Variants in NMT2 observed in about 807,000 individuals in gnomAD.
NMT2 encodes the protein glycylpeptide N-tetradecanoyltransferase 2.
A neutral mutation model predicts 65.4 loss-of-function variants in NMT2; 35 were observed. The observed-to-expected ratio is 0.54, with a 90% confidence interval of 0.41 to 0.71. NMT2 has a LOEUF of 0.71. Among genes scored for constraint, NMT2 ranks in the 30% least tolerant of loss-of-function variants. NMT2 has a pLI of 0.00. For missense variants in NMT2, 489 were observed against 611.3 expected, an observed-to-expected ratio of 0.80 and a Z score of 2.11; for synonymous variants, 226 against 231.8, an observed-to-expected ratio of 0.98 and a Z score of 0.23.
chr10:15,148,932 A>C (rs1847051524), intron 1 of NMT2, among the ~76,000 whole-genome samples: 1 of 152,228 alleles, frequency 6.6e-6, no homozygotes, highest in South Asian at 2.1e-4. Context: ...TTGATTTGGC[A>C]AACATTTTAA....
chr10:15,130,703 C>CAAAAAAAA (rs974360507), intron 6 of NMT2, among the ~76,000 whole-genome samples: 19 of 28,604 alleles, frequency 6.6e-4, no homozygotes, highest in East Asian at 1.4e-3. Flanking sequence ...GGCCCTGTCT[C>CAAAAAAAA]AAAAAAAAAA....
intron 8 of NMT2, among the ~76,000 whole-genome samples, chr10:15,124,311 A>C (rs1269577913): frequency 1.3e-5 from 2 of 152,198 alleles, no homozygotes; most frequent in Non-Finnish European, 2.9e-5. Context: ...TTAGTATTTT[A>C]GGTAACAGTT....
chr10:15,125,649 T>C (rs1846049762), intron 8 of NMT2, among the ~76,000 whole-genome samples: 1 of 152,162 alleles, frequency 6.6e-6, no homozygotes, highest in Admixed American at 6.6e-5. Flanking sequence ...TATGTATGTA[T>C]GTACGTATGT....
At chr10:15,148,053 A>T (rs1190382820) in intron 1 of NMT2, among the ~76,000 whole-genome samples, 1 of 152,204 alleles carries the variant, frequency 6.6e-6, no homozygotes, top group Non-Finnish European at 1.5e-5. Context: ...ATGGTATAGA[A>T]AGACAACATT....
intron 6 of NMT2, 148 bp downstream of exon 6, chr10:15,132,669 C>A (rs1846324992): frequency 3.8e-6 from 2 of 520,830 alleles, no homozygotes; most frequent in East Asian, 6.6e-5. Flanking sequence ...CTCAGGTGAT[C>A]TATCTGCCTC....
At chr10:15,152,112 G>A (rs937639744) in intron 1 of NMT2, among the ~76,000 whole-genome samples, 2 of 152,222 alleles carry the variant, frequency 1.3e-5, no homozygotes, top group Admixed American at 1.3e-4. Flanking sequence ...ATGAGCCTGT[G>A]ATATGTGTCC....
At chr10:15,158,682 T>C (rs924997300) in intron 1 of NMT2, among the ~76,000 whole-genome samples, 6 of 152,190 alleles carry the variant, frequency 3.9e-5, no homozygotes, top group Admixed American at 2.6e-4. Context: ...CAAACATGTT[T>C]TGAGGTGTGT....
intron 10 of NMT2, among the ~76,000 whole-genome samples, chr10:15,110,250 G>A (rs534534257): frequency 2.5e-4 from 38 of 152,242 alleles, no homozygotes; most frequent in African/African-American, 8.9e-4. Context: ...TCCAGCCTGA[G>A]CGACAGAGTG....
chr10:15,136,696 C>CAA (rs973381393), intron 2 of NMT2, among the ~76,000 whole-genome samples: 3 of 152,202 alleles, frequency 2.0e-5, no homozygotes, highest in African/African-American at 4.8e-5. Context: ...AGATCCTGGG[C>CAA]AACCATAGCC....
rs184627913 is a variant in NMT2 at position 15,108,061 on chromosome 10, C to T, written c.*1134G>A. On this transcript the variant is annotated 3_prime_UTR_variant, in exon 12 of 12. Coordinates refer to ENST00000378165, the MANE Select transcript of NMT2 (RefSeq NM_004808.3). ...GCCCTGATAGCACGAATAAGTTCCA[C>T]CAGGCATCTCTTTTGACTTTACAGT... 3.0e-6 allele frequency: 3 copies of T among 985,760 alleles called. No homozygotes were observed. Among genetic ancestry groups the T allele is most frequent in the Non-Finnish European group, 3.6e-6 (3 of 829,912 alleles). The allele number at this position is 985,760 out of a possible 1,614,324, so 61.1% of individuals were successfully genotyped here.
chr10:15,127,845 G>A (rs990394095), intron 8 of NMT2, among the ~76,000 whole-genome samples: 28 of 151,558 alleles, frequency 1.8e-4, no homozygotes, highest in African/African-American at 6.3e-4. Context: ...AGAGGTTGCA[G>A]TGAGCTGAGA....
In NMT2 at chr10:15,107,708, GC is replaced by G; in HGVS notation, c.*1486del. The stretch of plus-strand genomic sequence containing the variant: ...GACCTCAAATGTTTCGCCCGCCTTG[GC>G]CTCCCAAAGTGCTGGGATTACAGGC... On this transcript the variant is annotated 3_prime_UTR_variant, in exon 12 of 12. Transcript: ENST00000378165. 1 of 917,226 alleles carries G rather than the reference GC, an allele frequency of 1.1e-6. No individual in the cohort carries two copies. Among genetic ancestry groups the G allele is most frequent in the Non-Finnish European group, 1.3e-6 (1 of 768,050 alleles). 56.8% of individuals were successfully genotyped at this position (917,226 alleles called of 1,614,324 possible).
intron 2 of NMT2, 169 bp downstream of exon 2, chr10:15,141,253 T>C (rs1338094718): frequency 3.3e-6 from 3 of 916,240 alleles, no homozygotes; most frequent in African/African-American, 3.3e-5. Flanking sequence ...GTTATTTGGG[T>C]GCCAAAGTCC....
chr10:15,128,073 A>G (rs1846157784), intron 8 of NMT2, among the ~76,000 whole-genome samples: 1 of 152,234 alleles, frequency 6.6e-6, no homozygotes, highest in Non-Finnish European at 1.5e-5. Flanking sequence ...TTAACAGACC[A>G]TAAATTTCCC....
intron 1 of NMT2, among the ~76,000 whole-genome samples, chr10:15,163,356 C>T (rs1029505566): frequency 6.6e-6 from 1 of 152,162 alleles, no homozygotes; most frequent in South Asian, 2.1e-4. Flanking sequence ...GTATAACGTA[C>T]ATTTGCACTA....
intron 1 of NMT2, among the ~76,000 whole-genome samples, chr10:15,165,121 C>T (rs1833334876): frequency 6.6e-6 from 1 of 150,662 alleles, no homozygotes; most frequent in African/African-American, 2.5e-5. Context: ...CAAGATCGTA[C>T]TATTGCACTC....
chr10:15,139,157 T>C (rs947879183), intron 2 of NMT2, among the ~76,000 whole-genome samples: 1 of 152,166 alleles, frequency 6.6e-6, no homozygotes, highest in Non-Finnish European at 1.5e-5. Context: ...TTCTTCAGTT[T>C]TGGAACTCAG....
chr10:15,157,229 A>G (rs929032329), intron 1 of NMT2, among the ~76,000 whole-genome samples: 1 of 152,174 alleles, frequency 6.6e-6, no homozygotes, highest in Non-Finnish European at 1.5e-5. Flanking sequence ...GAAGCGCACT[A>G]AACAAAACAG....
At chr10:15,123,531 GAAAAAAAAA>G (rs775699014) in intron 8 of NMT2, among the ~76,000 whole-genome samples, 23 of 52,532 alleles carry the variant, frequency 4.4e-4, no homozygotes, top group Admixed American at 1.6e-3. Context: ...TCGTCTCACA[GAAAAAAAAA>G]AAAAAAAAAA....
Sources: gnomAD v4.1 joint callset for allele counts (sites outside exome capture counted in the v4.1 genomes callset) on GRCh38, gnomAD v4.1.1 for gene constraint, MANE v1.5 for transcripts, NCBI Gene and HGNC (gene_info 2026-07-23, HGNC 2026-07-21) for gene names.